Variants in PAPPA2 observed in about 807,000 individuals in gnomAD.
The protein encoded by PAPPA2 is pappalysin-2.
PAPPA2 carries 86 observed loss-of-function variants against 176.4 expected under a neutral mutation model. The ratio of observed to expected loss-of-function variants is 0.49; its 90% CI spans 0.41 to 0.58. PAPPA2 has a LOEUF of 0.58. Ranked by LOEUF, PAPPA2 falls within the 20% of genes least tolerant of loss-of-function variation. The probability of loss-of-function intolerance (pLI) is 0.00; values close to 1 mark genes in which losing one functional copy is unlikely to be tolerated. For missense variants in PAPPA2, 2,073 were observed against 2,256.9 expected (o/e 0.92, Z 1.65); for synonymous variants, 809 against 852.2 (o/e 0.95, Z 0.88).
intron 3 of PAPPA2, among the ~76,000 whole-genome samples, chr1:176,620,970 A>C (rs1346060378): frequency 6.6e-6 from 1 of 152,208 alleles, no homozygotes; most frequent in Non-Finnish European, 1.5e-5. Flanking sequence ...GATGCCAGAG[A>C]TACCAGCAAA....
intron 6 of PAPPA2, among the ~76,000 whole-genome samples, chr1:176,694,614 G>A (rs1240224016): frequency 6.6e-6 from 1 of 152,158 alleles, no homozygotes; most frequent in African/African-American, 2.4e-5. Flanking sequence ...ATTCACAAGT[G>A]GGCTTCTAAA....
At chr1:176,494,062 T>C (rs1260785340) in intron 1 of PAPPA2, among the ~76,000 whole-genome samples, 1 of 152,204 alleles carries the variant, frequency 6.6e-6, no homozygotes, top group Non-Finnish European at 1.5e-5. Flanking sequence ...CACATAAATA[T>C]TAAGACAAAG....
rs200878383 is a variant in PAPPA2, at chr1:176,594,977, C to T, written c.1373C>T (p.Ala458Val). 1.6e-4 allele frequency: 253 copies of T among 1,614,176 alleles called. No individual in the cohort carries two copies. In the African/African-American group the frequency reaches 2.6e-3, roughly 16 times the overall value. ...EEEATDLVLT[A>V]SFEPVNTEWV... Reference sequence around the variant, plus strand: ...GAAGCGACTGACTTGGTCCTGACAGCGAGCTTTGAGCCTGTGAACACAGAG... The same window carrying T: ...GAAGCGACTGACTTGGTCCTGACAGTGAGCTTTGAGCCTGTGAACACAGAG... Residue 458 changes from alanine (A) to valine (V), a missense_variant, in exon 3 of 23, where the codon GCG (alanine) becomes GTG (valine). Ala to Val is a moderately conservative substitution (Grantham distance 64). This residue lies in a region of PAPPA2 where 1,196 missense variants were observed against 1,330.4 expected (regional missense o/e 0.90). Transcript: ENST00000367662.
chr1:176,506,962 T>C (rs1648303340), intron 1 of PAPPA2, among the ~76,000 whole-genome samples: 1 of 152,060 alleles, frequency 6.6e-6, no homozygotes, highest in Admixed American at 6.6e-5. Flanking sequence ...CTAAAGAGCT[T>C]CTGCACAGCA....
intron 3 of PAPPA2, among the ~76,000 whole-genome samples, chr1:176,601,945 A>G (rs1216387930): frequency 1.3e-5 from 2 of 152,144 alleles, no homozygotes; most frequent in Non-Finnish European, 2.9e-5. Context: ...TTGAGCAAGT[A>G]TTTCATTAAA....
At position 176,620,487 on chromosome 1, in the gene PAPPA2, TA is replaced by T. The variant is rs1162508549; in HGVS notation, c.1991+24894del. On this transcript the variant is annotated intron_variant, in intron 3 of 22. Coordinates refer to ENST00000367662, the MANE Select transcript of PAPPA2 (RefSeq NM_020318.3). ...GACATTTCAAATCACATTTCTTCTA[TA>T]ATTATATACTTTCTTAATCAAGAAC... Among the ~76,000 whole-genome samples the T allele has an allele frequency of 3.3e-5, 5 of 152,332 alleles. No homozygotes were observed. The East Asian group carries it at 9.6e-4, about 29-fold the overall frequency.
intron 4 of PAPPA2, among the ~76,000 whole-genome samples, chr1:176,678,235 C>T (rs554806032): frequency 6.6e-6 from 1 of 152,254 alleles, no homozygotes; most frequent in African/African-American, 2.4e-5. Flanking sequence ...CAGCAAACCA[C>T]ACATTCTTAG....
chr1:176,580,606 T>C (rs1429116008), intron 2 of PAPPA2, among the ~76,000 whole-genome samples: 1 of 151,730 alleles, frequency 6.6e-6, no homozygotes, highest in Non-Finnish European at 1.5e-5. Context: ...ACTAGCAGTA[T>C]ATAAGAGTTC....
At chr1:176,617,389 T>C (rs1356698857) in intron 3 of PAPPA2, among the ~76,000 whole-genome samples, 1 of 151,954 alleles carries the variant, frequency 6.6e-6, no homozygotes, top group Non-Finnish European at 1.5e-5. Context: ...TCTTTAGTGG[T>C]GATTTCTGAG....
rs1653916885 is a variant in PAPPA2 at position 176,595,393 on chromosome 1, G to A, written c.1789G>A (p.Asp597Asn). The change falls in exon 3 of 23, where the codon GAC becomes AAC. Residue 597 changes from aspartate (D) to asparagine (N), a missense_variant. Asp to Asn is a conservative substitution (Grantham distance 23). Coordinates refer to ENST00000367662, the MANE Select transcript of PAPPA2 (RefSeq NM_020318.3). ...CAGCAAGATTGGCAATGACCATTGT[G>A]ACCCCGAGTGTGAGCACCCACTCAC... ...EPSKIGNDHC[D>N]PECEHPLTGY... 4 of 1,614,056 alleles carry A rather than the reference G, an allele frequency of 2.5e-6. No individual in the cohort carries two copies. The Admixed American group carries it at 5.0e-5, about 20-fold the overall frequency.
At chr1:176,578,817 C>A (rs1440684995) in intron 2 of PAPPA2, among the ~76,000 whole-genome samples, 11 of 152,096 alleles carry the variant, frequency 7.2e-5, no homozygotes, top group African/African-American at 2.7e-4. Flanking sequence ...TATGTAAACA[C>A]TCTGAAATAA....
intron 14 of PAPPA2, among the ~76,000 whole-genome samples, chr1:176,764,803 A>C (rs988179101): frequency 2.0e-5 from 3 of 152,076 alleles, no homozygotes; most frequent in African/African-American, 7.2e-5. Context: ...TCACCGTGTT[A>C]GCCAGGACAG....
At chr1:176,722,764 T>G (rs1380231367) in intron 12 of PAPPA2, among the ~76,000 whole-genome samples, 2 of 152,164 alleles carry the variant, frequency 1.3e-5, no homozygotes, top group African/African-American at 4.8e-5. Context: ...GCTTTTAAAC[T>G]TTTTTGTATA....
At chr1:176,549,572 G>T (rs1248726490) in intron 1 of PAPPA2, among the ~76,000 whole-genome samples, 3 of 152,202 alleles carry the variant, frequency 2.0e-5, no homozygotes, top group Non-Finnish European at 2.9e-5. Flanking sequence ...TGTTTATTTG[G>T]TAATAGAGTA....
intron 15 of PAPPA2, among the ~76,000 whole-genome samples, chr1:176,768,353 T>C (rs892834162): frequency 2.6e-5 from 4 of 152,188 alleles, no homozygotes; most frequent in Admixed American, 2.0e-4. Context: ...CAGTTCCTCC[T>C]CCAGCTCCTG....
In PAPPA2 at chr1:176,518,890, TA is replaced by T. The variant is rs1007452537; in HGVS notation, c.-916-36508del. On this transcript the variant is annotated intron_variant, in intron 1 of 22. Coordinates refer to ENST00000367662, the MANE Select transcript of PAPPA2 (RefSeq NM_020318.3). ...CTGGAAAAGCAACTTAAAGGGCACT[TA>T]AAAAAAAACAGTAGAAAAGTACTAC... Among the ~76,000 whole-genome samples, 11 of 150,802 alleles carry T rather than the reference TA, an allele frequency of 7.3e-5. No homozygotes were observed. In the East Asian group the frequency reaches 7.8e-4, roughly 11 times the overall value.
At chr1:176,824,677 A>G (rs569018547) in intron 21 of PAPPA2, among the ~76,000 whole-genome samples, 1 of 152,234 alleles carries the variant, frequency 6.6e-6, no homozygotes, top group African/African-American at 2.4e-5. Flanking sequence ...AGTTAAGTTT[A>G]ATTTGCACCT....
chr1:176,731,055 A>G (rs1008064670), intron 12 of PAPPA2, among the ~76,000 whole-genome samples: 2 of 152,056 alleles, frequency 1.3e-5, no homozygotes, highest in Non-Finnish European at 2.9e-5. Flanking sequence ...GCCCAGTATC[A>G]TTCACTGGCC....
At chr1:176,652,029 T>C (rs968520631) in intron 3 of PAPPA2, among the ~76,000 whole-genome samples, 11 of 151,696 alleles carry the variant, frequency 7.3e-5, no homozygotes, top group Non-Finnish European at 1.3e-4. Context: ...TTTTTTCTGA[T>C]AAATTTCTGA....
Sources: gnomAD v4.1 joint callset for allele counts (sites outside exome capture counted in the v4.1 genomes callset) on GRCh38, gnomAD v4.1.1 for gene constraint, gnomAD v4.1.1 regional missense constraint, MANE v1.5 for transcripts, NCBI Gene and HGNC (gene_info 2026-07-23, HGNC 2026-07-21) for gene names.